Variants in IQSEC1 observed in about 807,000 individuals in gnomAD.
The protein encoded by IQSEC1 is IQ motif and Sec7 domain ArfGEF 1.
Under a neutral mutation model 91.0 loss-of-function variants are expected in IQSEC1, and 31 were observed. The ratio of observed to expected loss-of-function variants is 0.34; its 90% CI spans 0.26 to 0.46. The LOEUF (loss-of-function observed/expected upper bound fraction) is 0.46, where lower values mean the gene tolerates loss of function less well. Among genes scored for constraint, IQSEC1 ranks in the 20% least tolerant of loss-of-function variants. The probability of loss-of-function intolerance (pLI) is 1.00; values close to 1 mark genes in which losing one functional copy is unlikely to be tolerated. For synonymous variants in IQSEC1, 699 were observed against 662.6 expected, an observed-to-expected ratio of 1.05 and a Z score of -0.84; for missense variants, 1,388 against 1,575.6, an observed-to-expected ratio of 0.88 and a Z score of 2.02.
Position 13,060,432 on chromosome 3 carries a change from G to A in IQSEC1, c.23+12560C>T, listed in dbSNP as rs182864721. On this transcript the variant is annotated intron_variant, in intron 1 of 13. Transcript: ENST00000613206. ...GGCTGGATCCGGGTTTGAAGTCAGC[G>A]GAGGCAGATGCAGTTGTAGGAAGAG... Among the ~76,000 whole-genome samples the A allele has an allele frequency of 2.3e-3, 350 of 152,312 alleles. 1 individual carries two copies. The highest frequency in any genetic ancestry group is 2.6e-3 in the Non-Finnish European group (177 of 68,008).
At chr3:12,946,182 G>T (rs953695748) in intron 1 of IQSEC1, among the ~76,000 whole-genome samples, 3 of 152,202 alleles carry the variant, frequency 2.0e-5, no homozygotes, top group Non-Finnish European at 4.4e-5. Context: ...AGCCAGACTG[G>T]CTCCTATATC....
chr3:12,913,869 G>A (rs755484449), intron 8 of IQSEC1, among the ~76,000 whole-genome samples: 19 of 152,076 alleles, frequency 1.2e-4, no homozygotes, highest in African/African-American at 3.1e-4. Flanking sequence ...AAACTATCAC[G>A]TTCACCTGGG....
chr3:12,994,017 C>A lies in IQSEC1; in HGVS notation c.24-52152G>T, dbSNP rs1049397020. On this transcript the variant is annotated intron_variant, in intron 1 of 13. Coordinates refer to ENST00000613206, the MANE Select transcript of IQSEC1 (RefSeq NM_001134382.3). The surrounding 1 kb of genome is among the most constrained non-coding windows in gnomAD (Gnocchi z 4.5). Reference sequence around the variant, plus strand: ...GCATTCCCGGCTGCAGCCCCAGCGACCCCCGCCCGGGGCCCCGCACCGCAC... The same window carrying A: ...GCATTCCCGGCTGCAGCCCCAGCGAACCCCGCCCGGGGCCCCGCACCGCAC... Among the ~76,000 whole-genome samples, 1 of 149,966 alleles carries A rather than the reference C, an allele frequency of 6.7e-6. No individual in the cohort carries two copies. The highest frequency in any genetic ancestry group is 6.6e-5 in the Admixed American group (1 of 15,056).
chr3:13,268,937 T>C (rs1695546176), intron 1 of IQSEC1, among the ~76,000 whole-genome samples: 1 of 152,058 alleles, frequency 6.6e-6, no homozygotes, highest in African/African-American at 2.4e-5. Context: ...GGAATAAATA[T>C]AATCAACATA....
chr3:13,078,767 G>A (rs1309030683), intron 2 of IQSEC1, among the ~76,000 whole-genome samples: 1 of 152,174 alleles, frequency 6.6e-6, no homozygotes, highest in Non-Finnish European at 1.5e-5. Flanking sequence ...GGGCGCTGGA[G>A]CCGGAGGTCT....
intron 1 of IQSEC1, among the ~76,000 whole-genome samples, chr3:13,224,607 C>T (rs1694719960): frequency 6.6e-6 from 1 of 152,128 alleles, no homozygotes; most frequent in Non-Finnish European, 1.5e-5. Flanking sequence ...TCTTGGGGTT[C>T]GACTTGACGT....
intron 1 of IQSEC1, among the ~76,000 whole-genome samples, chr3:13,252,829 T>G (rs1695220771): frequency 6.6e-6 from 1 of 152,030 alleles, no homozygotes; most frequent in African/African-American, 2.4e-5. Flanking sequence ...GCTTCCCGGG[T>G]TCACGCCATT....
chr3:13,129,479 T>G (rs1370411959), intron 2 of IQSEC1, among the ~76,000 whole-genome samples: 1 of 152,170 alleles, frequency 6.6e-6, no homozygotes, highest in African/African-American at 2.4e-5. Context: ...TTCATTTCAT[T>G]AATTTCCACA....
intron 1 of IQSEC1, among the ~76,000 whole-genome samples, chr3:13,232,707 T>G (rs1455642304): frequency 6.6e-6 from 1 of 152,166 alleles, no homozygotes; most frequent in Non-Finnish European, 1.5e-5. Context: ...AATTATGTAT[T>G]AAATATTATT....
In IQSEC1 at chr3:12,920,539, G is replaced by T; in HGVS notation, c.1911C>A (p.Thr637=). 1 of 1,614,216 alleles carries T rather than the reference G, an allele frequency of 6.2e-7. No individual in the cohort carries two copies. Among genetic ancestry groups the T allele is most frequent in the Non-Finnish European group, 8.5e-7 (1 of 1,180,030 alleles). The change falls in exon 6 of 14, where the codon ACC becomes ACA. Residue 637 remains threonine, a synonymous_variant. Transcript: ENST00000613206. ...TGATGGCGAAGGCCAGGATGAAAAT[G>T]GTGTCTGGGTTCCGGAATTGCCGCA... The part of the protein sequence containing the change: ...GVVRQFRNPD[T]IFILAFAIIL...
chr3:13,209,246 CAA>C (rs1417051275), intron 1 of IQSEC1, among the ~76,000 whole-genome samples: 2 of 152,202 alleles, frequency 1.3e-5, no homozygotes, highest in Non-Finnish European at 2.9e-5. Flanking sequence ...AATTCAGGTA[CAA>C]AGAGAGATGG....
intron 1 of IQSEC1, among the ~76,000 whole-genome samples, chr3:13,003,264 C>T (rs1419715412): frequency 1.7e-5 from 2 of 120,362 alleles, no homozygotes; most frequent in African/African-American, 6.2e-5. Flanking sequence ...AAAGTGAGAC[C>T]CCTGTCTCTA....
At chr3:12,977,411 G>A (rs931314969) in intron 1 of IQSEC1, among the ~76,000 whole-genome samples, 1 of 151,870 alleles carries the variant, frequency 6.6e-6, no homozygotes, top group African/African-American at 2.4e-5. Context: ...GGTATACTTC[G>A]GTTTCTTTCC....
Position 13,073,160 on chromosome 3 carries a change from G to A in IQSEC1, c.-146C>T. On this transcript the variant is annotated 5_prime_UTR_variant, in exon 1 of 14. Transcript: ENST00000613206. The stretch of plus-strand genomic sequence containing the variant: ...CGAGTCACATTCCCGGGGGTGGCGG[G>A]CTCCTCCAGGGAGGCTGGGGCGGGA... 1.1e-6 allele frequency: 1 copy of A among 909,734 alleles called. No individual in the cohort carries two copies. The highest frequency in any genetic ancestry group is 1.7e-6 in the Non-Finnish European group (1 of 591,716). The allele number at this position is 909,734 out of a possible 1,614,324, so 56.4% of individuals were successfully genotyped here.
intron 1 of IQSEC1, among the ~76,000 whole-genome samples, chr3:13,192,077 T>C (rs1694044001): frequency 6.6e-6 from 1 of 152,196 alleles, no homozygotes; most frequent in Non-Finnish European, 1.5e-5. Context: ...GGCTCACGCC[T>C]GTAATCCCAG....
At chr3:13,024,697 CCCCATCTGTCCATCCACCCACCCATCCA>C (rs1396582323) in intron 1 of IQSEC1, among the ~76,000 whole-genome samples, 4 of 149,058 alleles carry the variant, frequency 2.7e-5, no homozygotes, top group Non-Finnish European at 6.0e-5. Context: ...CATCCATCTA[CCCCATCTGTCCATCCACCCACCCATCCA>C]CCCATCTGTC....
At chr3:12,993,416 C>A (rs1316992443) in intron 1 of IQSEC1, among the ~76,000 whole-genome samples, 2 of 149,080 alleles carry the variant, frequency 1.3e-5, no homozygotes, top group Non-Finnish European at 3.0e-5. Flanking sequence ...GCTCGGGACC[C>A]TGGACGCGGT....
intron 1 of IQSEC1, among the ~76,000 whole-genome samples, chr3:13,232,642 G>T (rs1333024255): frequency 3.9e-5 from 6 of 152,146 alleles, no homozygotes; most frequent in Non-Finnish European, 7.3e-5. Context: ...AGTCAGGGGC[G>T]CAGGAGACAG....
At chr3:13,138,461 C>T (rs1233468312) in intron 2 of IQSEC1, among the ~76,000 whole-genome samples, 1 of 152,160 alleles carries the variant, frequency 6.6e-6, no homozygotes. Context: ...TGCAGCCTCC[C>T]GTCACCTGAA....
Sources: allele counts gnomAD v4.1 joint callset (sites outside exome capture counted in the v4.1 genomes callset), GRCh38; gene constraint gnomAD v4.1.1; non-coding constraint Gnocchi (gnomAD v3.1); transcripts MANE v1.5; gene names NCBI Gene and HGNC (gene_info 2026-07-23, HGNC 2026-07-21).